CARMIL2: variants seen among roughly 807,000 people sequenced by gnomAD.
The protein encoded by CARMIL2 is capping protein, Arp2/3 and myosin-I linker protein 2.
In CARMIL2, 96 loss-of-function variants were observed where a neutral mutation model predicts 173.3. The ratio of observed to expected loss-of-function variants is 0.55; its 90% CI spans 0.47 to 0.66. The LOEUF (loss-of-function observed/expected upper bound fraction) is 0.66. Ranked by LOEUF, CARMIL2 falls within the 30% of genes least tolerant of loss-of-function variation. CARMIL2 has a pLI of 0.00. For synonymous variants in CARMIL2, 830 were observed against 817.1 expected (o/e 1.02, Z -0.27); for missense variants, 1,771 against 1,906.7 (o/e 0.93, Z 1.33).
chr16:67,650,618 G>T, intron 22 of CARMIL2: 1 of 186,268 alleles, frequency 5.4e-6, no homozygotes, highest in South Asian at 1.2e-4. Flanking sequence ...CATCCTGCTG[G>T]GCTTCATGCT....
At chr16:67,654,288 G>GGGCGGGGGGGGC in intron 30 of CARMIL2, 39 bp downstream of exon 30, 1 of 1,363,512 alleles carries the variant, frequency 7.3e-7, no homozygotes, top group Non-Finnish European at 1.0e-6. Flanking sequence ...GAGAGGGTGG[G>GGGCGGGGGGGGC]ATGCCTGATG....
chr16:67,651,449 C>A lies in CARMIL2; in HGVS notation c.2362C>A (p.Gln788Lys), dbSNP rs2052721164. 6.3e-7 allele frequency: 1 copy of A among 1,597,352 alleles called. No individual in the cohort carries two copies. Among genetic ancestry groups the A allele is most frequent in the African/African-American group, 1.3e-5 (1 of 74,516 alleles). ...TGGAAGCTCCCCAAGCCATCACTGG[C>A]AGCTTGGGCAGAAGCTGGAGGGCCT... ...EAGSSPSHHW[Q>K]LGQKLEGLLR... is the part of the protein sequence containing the mutation. Residue 788 changes from glutamine to lysine, a missense_variant, in exon 24 of 38, where the codon CAG becomes AAG. This residue lies in a region of CARMIL2 where 817 missense variants were observed against 903.5 expected (regional missense o/e 0.90). Transcript: ENST00000334583. This position sits in a 1 kb window ranked among gnomAD's most constrained non-coding sequence, Gnocchi z 4.2.
rs1453887138 is a variant in CARMIL2 at position 67,646,831 on chromosome 16, C to G, written c.537+47C>G. 1.9e-6 allele frequency: 3 copies of G among 1,611,522 alleles called. No individual in the cohort carries two copies. The highest frequency in any genetic ancestry group is 2.5e-6 in the Non-Finnish European group (3 of 1,177,722). On this transcript the variant is annotated intron_variant, in intron 7 of 37. Coordinates refer to ENST00000334583, the MANE Select transcript of CARMIL2 (RefSeq NM_001013838.3). The surrounding 1 kb of genome is among the most constrained non-coding windows in gnomAD (Gnocchi z 4.6). The stretch of plus-strand genomic sequence containing the variant: ...AGGGCTCTGGAGACATCTGGTCCCC[C>G]ATGTGTGCTGAGCCCCTCCCTGCCC...
Position 67,646,833 on chromosome 16 carries a change from T to C in CARMIL2, c.537+49T>C, listed in dbSNP as rs762273550. On this transcript the variant is annotated intron_variant, in intron 7 of 37. Coordinates refer to ENST00000334583, the MANE Select transcript of CARMIL2 (RefSeq NM_001013838.3). This position sits in a 1 kb window ranked among gnomAD's most constrained non-coding sequence, Gnocchi z 4.6. ...GGCTCTGGAGACATCTGGTCCCCCA[T>C]GTGTGCTGAGCCCCTCCCTGCCCCT... 6 of 1,611,470 alleles carry C rather than the reference T, an allele frequency of 3.7e-6. No individual in the cohort carries two copies. In the Admixed American group the frequency reaches 1.0e-4, roughly 27 times the overall value.
rs1203628572 is a variant in CARMIL2, at chr16:67,648,119, C to G, written c.1139C>G (p.Ala380Gly). Residue 380 changes from alanine (A) to glycine (G), a missense_variant, in exon 14 of 38, where the codon GCC becomes GGC. Physicochemically the swap from Ala to Gly is moderately conservative, Grantham distance 60. Around this residue, in one of 3 missense-constraint regions of CARMIL2, gnomAD observed 944 missense variants for 975.6 expected, o/e 0.97. Coordinates refer to ENST00000334583, the MANE Select transcript of CARMIL2 (RefSeq NM_001013838.3). This position sits in a 1 kb window ranked among gnomAD's most constrained non-coding sequence, Gnocchi z 6.1. The part of the protein sequence containing the change: ...SFLNLAGTDT[A>G]LDTVRGCSVG... ...CTGAATCTCGCAGGCACCGACACTG[C>G]CCTGGACACTGTGAGGGGGTGCTCC... 6.2e-7 allele frequency: 1 copy of G among 1,612,962 alleles called. No homozygotes were observed. The highest frequency in any genetic ancestry group is 8.5e-7 in the Non-Finnish European group (1 of 1,179,580).
chr16:67,652,652 C>A lies in CARMIL2; in HGVS notation c.2884+114C>A. On this transcript the variant is annotated intron_variant, in intron 28 of 37. Coordinates refer to ENST00000334583, the MANE Select transcript of CARMIL2 (RefSeq NM_001013838.3). The surrounding 1 kb of genome is among the most constrained non-coding windows in gnomAD (Gnocchi z 4.7). ...CAGCCTTGTCTGGGTACCCACCAGC[C>A]CTTGACTGGGCCAGGTCGGGCCCCT... is the stretch of plus-strand genomic sequence containing the variant. The A allele has an allele frequency of 9.4e-7, 1 of 1,063,856 alleles. No individual in the cohort carries two copies. The highest frequency in any genetic ancestry group is 1.4e-6 in the Non-Finnish European group (1 of 721,506). The allele number at this position is 1,063,856 out of a possible 1,614,324, so 65.9% of individuals were successfully genotyped here. A position where few individuals can be genotyped will look rare whatever the true frequency, so the allele number is the denominator to read the frequency against.
rs1313676740 is a variant in CARMIL2 at position 67,652,959 on chromosome 16, G to A, written c.2885-60G>A. Reference sequence around the variant, plus strand: ...TGGGCGGGTCCCCCGCCGCCCTAGCGCCTCCGCCGCCACCTCCCCGGGCTC... The same window carrying A: ...TGGGCGGGTCCCCCGCCGCCCTAGCACCTCCGCCGCCACCTCCCCGGGCTC... On this transcript the variant is annotated intron_variant, in intron 28 of 37. Transcript: ENST00000334583. The surrounding 1 kb of genome is among the most constrained non-coding windows in gnomAD (Gnocchi z 4.7). The A allele has an allele frequency of 5.5e-6, 5 of 913,588 alleles. No individual in the cohort carries two copies. Among genetic ancestry groups the A allele is most frequent in the Non-Finnish European group, 7.2e-6 (5 of 691,352 alleles). The allele number at this position is 913,588 out of a possible 1,614,324, so 56.6% of individuals were successfully genotyped here.
Position 67,646,292 on chromosome 16 carries a change from T to C in CARMIL2, c.356T>C (p.Phe119Ser), listed in dbSNP as rs1170014258. Residue 119 changes from phenylalanine to serine, a missense_variant, in exon 5 of 38, where the codon TTC becomes TCC. Physicochemically the swap from Phe to Ser is radical, Grantham distance 155. This residue lies in a region of CARMIL2 where 944 missense variants were observed against 975.6 expected (regional missense o/e 0.97). Coordinates refer to ENST00000334583, the MANE Select transcript of CARMIL2 (RefSeq NM_001013838.3). The surrounding 1 kb of genome is among the most constrained non-coding windows in gnomAD (Gnocchi z 4.6). ...GTGGCTGCAGCCATCAAGAAGGTCT[T>C]CCCTCGCTCGACCCTTGGGTGAGGC... ...QHVAAAIKKV[F>S]PRSTLGKLFR... The C allele has an allele frequency of 1.9e-6, 3 of 1,613,624 alleles. No individual in the cohort carries two copies. Among genetic ancestry groups the C allele is most frequent in the Non-Finnish European group, 1.7e-6 (2 of 1,179,798 alleles).
In CARMIL2 at chr16:67,646,606, A is replaced by T; in HGVS notation, c.466+89A>T. ...AAGCTGGGGGGGCCCCAAACTGAAC[A>T]GAGCCATTCAGGTCCCAGCCACCAC... On this transcript the variant is annotated intron_variant, in intron 6 of 37. Coordinates refer to ENST00000334583, the MANE Select transcript of CARMIL2 (RefSeq NM_001013838.3). This position sits in a 1 kb window ranked among gnomAD's most constrained non-coding sequence, Gnocchi z 4.6. The T allele has an allele frequency of 6.4e-7, 1 of 1,568,352 alleles. No individual in the cohort carries two copies. Among genetic ancestry groups the T allele is most frequent in the Non-Finnish European group, 8.8e-7 (1 of 1,140,472 alleles).
Position 67,657,179 on chromosome 16 carries a change from C to G in CARMIL2, c.4118-60C>G, listed in dbSNP as rs1189492563. 16 of 1,448,166 alleles carry G rather than the reference C, an allele frequency of 1.1e-5. No individual in the cohort carries two copies. The East Asian group carries it at 3.6e-4, about 32-fold the overall frequency. The allele number at this position is 1,448,166 out of a possible 1,614,324, so 89.7% of individuals were successfully genotyped here. A position where few individuals can be genotyped will look rare whatever the true frequency, so the allele number is the denominator to read the frequency against. On this transcript the variant is annotated intron_variant, in intron 36 of 37. Coordinates refer to ENST00000334583, the MANE Select transcript of CARMIL2 (RefSeq NM_001013838.3). The surrounding 1 kb of genome is among the most constrained non-coding windows in gnomAD (Gnocchi z 4.5). ...GTGCACTGGAGGTGGAAGAGAGGGG[C>G]AGGGGATGGACAGACCCCAAGCCTT...
At position 67,652,354 on chromosome 16, in the gene CARMIL2, A is replaced by C; in HGVS notation, c.2817+15A>C. 1.2e-6 allele frequency: 2 copies of C among 1,613,086 alleles called. No individual in the cohort carries two copies. The highest frequency in any genetic ancestry group is 2.2e-5 in the South Asian group (2 of 91,072). On this transcript the variant is annotated intron_variant, in intron 27 of 37. Transcript: ENST00000334583. This position sits in a 1 kb window ranked among gnomAD's most constrained non-coding sequence, Gnocchi z 4.7. ...AGAAGGAGAAGGTAAGTGGTTTTAGAACACGGGGCATGGCACTCCCAGTCT... is the reference window on the plus strand; with the variant it reads ...AGAAGGAGAAGGTAAGTGGTTTTAGCACACGGGGCATGGCACTCCCAGTCT...
Position 67,646,920 on chromosome 16 carries a change from T to C in CARMIL2, c.558T>C (p.His186=). Residue 186 remains histidine, a synonymous_variant, in exon 8 of 38, where the codon CAT becomes CAC. Transcript: ENST00000334583. The surrounding 1 kb of genome is among the most constrained non-coding windows in gnomAD (Gnocchi z 4.6). ...EIQWDVDTIY[H]RQGCRHFSLG... is the part of the protein sequence containing the mutation. The stretch of plus-strand genomic sequence containing the variant: ...CCCAGGACGTGGACACCATTTACCA[T>C]CGCCAGGGCTGCCGCCATTTCAGCC... The C allele has an allele frequency of 6.2e-7, 1 of 1,613,586 alleles. No individual in the cohort carries two copies. The highest frequency in any genetic ancestry group is 8.5e-7 in the Non-Finnish European group (1 of 1,179,896).
chr16:67,648,279 C>G lies in CARMIL2; in HGVS notation c.1299C>G (p.Thr433=). 1 of 1,597,008 alleles carries G rather than the reference C, an allele frequency of 6.3e-7. No individual in the cohort carries two copies. Among genetic ancestry groups the G allele is most frequent in the Non-Finnish European group, 8.5e-7 (1 of 1,176,898 alleles). Residue 433 remains threonine, a synonymous_variant, in exon 14 of 38, where the codon ACC becomes ACG. Transcript: ENST00000334583. This position sits in a 1 kb window ranked among gnomAD's most constrained non-coding sequence, Gnocchi z 6.1. ...CCCGAGGCTGCTGCACCAGCCTTAC[C>G]CACCTCGACGCTTCGAGGAACGTCT... is the stretch of plus-strand genomic sequence containing the variant. The part of the protein sequence containing the change: ...AVSRGCCTSL[T]HLDASRNVFS...
Position 67,648,030 on chromosome 16 carries a change from C to A in CARMIL2, c.1072-22C>A. ...CTGGGTAGGCGATCCCCCACTCCAT[C>A]GCACCCCTGTCCTCCCTCCAGGGCC... On this transcript the variant is annotated intron_variant, in intron 13 of 37. Coordinates refer to ENST00000334583, the MANE Select transcript of CARMIL2 (RefSeq NM_001013838.3). This position sits in a 1 kb window ranked among gnomAD's most constrained non-coding sequence, Gnocchi z 6.1. The A allele has an allele frequency of 6.2e-7, 1 of 1,609,386 alleles. No homozygotes were observed. The highest frequency in any genetic ancestry group is 2.2e-5 in the East Asian group (1 of 44,772).
intron 1 of CARMIL2, 96 bp downstream of exon 1, chr16:67,645,382 G>A: frequency 7.0e-7 from 1 of 1,436,916 alleles, no homozygotes; most frequent in Non-Finnish European, 9.6e-7. Context: ...CTGGTCAGAG[G>A]TCCTCCCTGC....
In CARMIL2 at chr16:67,646,923, C is replaced by T. The variant is rs772588439; in HGVS notation, c.561C>T (p.Arg187=). The change falls in exon 8 of 38, where the codon CGC becomes CGT. Residue 187 remains arginine, a synonymous_variant. Transcript: ENST00000334583. This position sits in a 1 kb window ranked among gnomAD's most constrained non-coding sequence, Gnocchi z 4.6. ...IQWDVDTIYH[R]QGCRHFSLGD... ...AGGACGTGGACACCATTTACCATCG[C>T]CAGGGCTGCCGCCATTTCAGCCTGG... is the stretch of plus-strand genomic sequence containing the variant. The T allele has an allele frequency of 6.2e-7, 1 of 1,613,600 alleles. No individual in the cohort carries two copies. The highest frequency in any genetic ancestry group is 8.5e-7 in the Non-Finnish European group (1 of 1,179,878).
At position 67,649,947 on chromosome 16, in the gene CARMIL2, G is replaced by A. The variant is rs956527048; in HGVS notation, c.2061G>A (p.Leu687=). ...AGGCGCAGCGCAGCCGCCCGGAACT[G>A]ACAGCACGTGCAGTCCATCAGGTGG... ...VAQAQRSRPE[L]TARAVHQIQA... is the part of the protein sequence containing the mutation. The change falls in exon 21 of 38, where the codon CTG becomes CTA. Residue 687 remains leucine (L), a synonymous_variant. Transcript: ENST00000334583. This position sits in a 1 kb window ranked among gnomAD's most constrained non-coding sequence, Gnocchi z 6.7. The A allele has an allele frequency of 1.2e-6, 2 of 1,613,192 alleles. No homozygotes were observed. The highest frequency in any genetic ancestry group is 1.7e-5 in the Admixed American group (1 of 60,002).
intron 36 of CARMIL2, 105 bp downstream of exon 36, chr16:67,656,986 G>A (rs1215576989): frequency 4.2e-6 from 4 of 957,422 alleles, no homozygotes; most frequent in Non-Finnish European, 6.2e-6. Context: ...CCACCAGTGT[G>A]TGAGGTCTCA....
At position 67,657,400 on chromosome 16, in the gene CARMIL2, T is replaced by G; in HGVS notation, c.4196-6T>G. The G allele has an allele frequency of 6.2e-7, 1 of 1,605,014 alleles. No homozygotes were observed. The highest frequency in any genetic ancestry group is 8.5e-7 in the Non-Finnish European group (1 of 1,176,036). ...CCTTCCTCTCTCTCCCTCCCTCCCCTCACAGGATCTGGCCTTGGAACCGAG... is the reference window on the plus strand; with the variant it reads ...CCTTCCTCTCTCTCCCTCCCTCCCCGCACAGGATCTGGCCTTGGAACCGAG... On this transcript the variant is annotated splice_polypyrimidine_tract_variant and splice_region_variant and intron_variant, in intron 37 of 37. Transcript: ENST00000334583. This position sits in a 1 kb window ranked among gnomAD's most constrained non-coding sequence, Gnocchi z 4.5.
Sources: gnomAD v4.1 joint callset for allele counts on GRCh38, gnomAD v4.1.1 for gene constraint, gnomAD v4.1.1 regional missense constraint, Gnocchi (gnomAD v3.1) non-coding constraint, MANE v1.5 for transcripts, NCBI Gene and HGNC (gene_info 2026-07-23, HGNC 2026-07-21) for gene names.